The following CCDC68 variants were observed in gnomAD, a reference collection of about 807,000 sequenced individuals.
The protein encoded by CCDC68 is coiled-coil domain containing 68, also known as coiled-coil domain-containing protein 68.
CCDC68 carries 45 observed loss-of-function variants against 47.1 expected under a neutral mutation model. That is an observed-to-expected ratio of 0.96 (90% CI 0.75 to 1.23). The LOEUF is 1.23. CCDC68 is among the 50% of genes most tolerant of loss of function. The pLI is 0.00. For synonymous variants in CCDC68, 131 were observed against 129.5 expected, an observed-to-expected ratio of 1.01 and a Z score of -0.08; for missense variants, 353 against 373.6, an observed-to-expected ratio of 0.94 and a Z score of 0.45.
In CCDC68 at chr18:54,959,414, T is replaced by C. The variant is rs1159573461; in HGVS notation, c.-181A>G. 2 of 152,006 alleles carry C rather than the reference T, an allele frequency of 1.3e-5. No individual in the cohort carries two copies. Among genetic ancestry groups the C allele is most frequent in the African/African-American group, 2.4e-5 (1 of 41,398 alleles). The allele number at this position is 152,006 out of a possible 1,614,324, so 9.4% of individuals were successfully genotyped here. On this transcript the variant is annotated 5_prime_UTR_variant, in exon 1 of 12. Transcript: ENST00000591504. ...ATCGGACCTTGGGGCCAGGGTCGGC[T>C]GCCAGGGCCCTGCGAGTGCAGCCGC...
chr18:54,957,730 T>A (rs926914109), intron 1 of CCDC68, among the ~76,000 whole-genome samples: 1 of 152,024 alleles, frequency 6.6e-6, no homozygotes, highest in Non-Finnish European at 1.5e-5. Flanking sequence ...GTTAGTAAAT[T>A]CATGGTAAAA....
Position 54,934,803 on chromosome 18 carries a change from A to C in CCDC68, c.600+17T>G, listed in dbSNP as rs759196034. On this transcript the variant is annotated intron_variant, in intron 7 of 11. Coordinates refer to ENST00000591504, the MANE Select transcript of CCDC68 (RefSeq NM_025214.3). ...ATGCTGTCAGTAAGAAAATCCTCTA[A>C]TTCTCCAGGGGCGTACCTTTTCCAT... The C allele has an allele frequency of 6.3e-6, 9 of 1,429,808 alleles. No individual in the cohort carries two copies. The highest frequency in any genetic ancestry group is 8.3e-6 in the Non-Finnish European group (9 of 1,087,454). The allele number at this position is 1,429,808 out of a possible 1,614,324, so 88.6% of individuals were successfully genotyped here. A position where few individuals can be genotyped will look rare whatever the true frequency, so the allele number is the denominator to read the frequency against.
intron 5 of CCDC68, 97 bp from the exon 6 acceptor site, chr18:54,937,055 C>G: frequency 8.7e-7 from 1 of 1,149,526 alleles, no homozygotes; most frequent in Non-Finnish European, 1.3e-6. Context: ...AAAGGTATAA[C>G]TATACCATTT....
intron 1 of CCDC68, chr18:54,957,863 G>C (rs2044741345): frequency 6.6e-6 from 1 of 152,108 alleles, no homozygotes. Flanking sequence ...AAAATCTTCA[G>C]TTATTTCCCC....
At chr18:54,921,963 TA>T (rs1435003958) in intron 8 of CCDC68, among the ~76,000 whole-genome samples, 1 of 152,108 alleles carries the variant, frequency 6.6e-6, no homozygotes, top group Non-Finnish European at 1.5e-5. Flanking sequence ...ACCAAGTAAA[TA>T]AACAAGCAGT....
chr18:54,936,715 G>T, intron 6 of CCDC68, 118 bp downstream of exon 6: 1 of 1,268,330 alleles, frequency 7.9e-7, no homozygotes, highest in Non-Finnish European at 1.1e-6. Flanking sequence ...TCTTTCCCAA[G>T]TCTTTTGCCA....
In CCDC68 at chr18:54,940,617, C is replaced by A. The variant is rs561239285; in HGVS notation, c.204+380G>T. Among the ~76,000 whole-genome samples the A allele has an allele frequency of 3.3e-5, 5 of 152,300 alleles. No individual in the cohort carries two copies. The South Asian group carries it at 1.0e-3, about 32-fold the overall frequency. ...AAGGGAGTGCATTCAAACTTATCAA[C>A]TATCTAACAAAGTCTTGACTCAACT... On this transcript the variant is annotated intron_variant, in intron 4 of 11. Transcript: ENST00000591504.
chr18:54,919,673 A>G (rs1375856457), intron 8 of CCDC68, among the ~76,000 whole-genome samples: 1 of 152,222 alleles, frequency 6.6e-6, no homozygotes, highest in African/African-American at 2.4e-5. Context: ...ACGATAAAGC[A>G]CTTATACGCT....
chr18:54,957,892 G>T (rs976903613), intron 1 of CCDC68: 3 of 152,026 alleles, frequency 2.0e-5, no homozygotes, highest in Non-Finnish European at 4.4e-5. Flanking sequence ...ATTATTCCAA[G>T]CAAATAAACA....
intron 1 of CCDC68, chr18:54,958,154 C>G (rs1053760295): frequency 6.6e-6 from 1 of 152,204 alleles, no homozygotes; most frequent in Non-Finnish European, 1.5e-5. Context: ...ATGACGTTGG[C>G]CTGGGTCCCA....
At chr18:54,920,885 A>T (rs2044047441) in intron 8 of CCDC68, among the ~76,000 whole-genome samples, 1 of 152,222 alleles carries the variant, frequency 6.6e-6, no homozygotes, top group Non-Finnish European at 1.5e-5. Flanking sequence ...CCAAAAAGAC[A>T]TGTGTACTCT....
chr18:54,904,271 G>T lies in CCDC68; in HGVS notation c.*87C>A, dbSNP rs1176879379. ...AGTTCCATTTAAATAATGGCATTTT[G>T]CCATTTTAACATGAAACTTGGGCTG... On this transcript the variant is annotated 3_prime_UTR_variant, in exon 12 of 12. Transcript: ENST00000591504. The T allele has an allele frequency of 2.0e-6, 2 of 1,016,596 alleles. No individual in the cohort carries two copies. The highest frequency in any genetic ancestry group is 3.1e-6 in the Non-Finnish European group (2 of 653,980). The allele number at this position is 1,016,596 out of a possible 1,614,324, so 63.0% of individuals were successfully genotyped here. A position where few individuals can be genotyped will look rare whatever the true frequency, so the allele number is the denominator to read the frequency against.
chr18:54,933,319 G>C (rs915525161), intron 7 of CCDC68, among the ~76,000 whole-genome samples: 5 of 152,062 alleles, frequency 3.3e-5, no homozygotes, highest in African/African-American at 1.2e-4. Flanking sequence ...TTGACTTCAT[G>C]ATCTGCCCAC....
Position 54,928,838 on chromosome 18 carries a change from C to G in CCDC68, c.645G>C (p.Lys215Asn). Residue 215 changes from lysine (K) to asparagine (N), a missense_variant, in exon 8 of 12, where the codon AAG (lysine) becomes AAC (asparagine). Physicochemically the swap from Lys to Asn is moderately conservative, Grantham distance 94. Coordinates refer to ENST00000591504, the MANE Select transcript of CCDC68 (RefSeq NM_025214.3). ...LLERKLSLEN[K>N]LLQLKSSATY... ...TAGCACTGGATTTGAGTTGCAGTAG[C>G]TTGTTTTCCAAAGACAGTTTTCTTT... 1 of 1,612,880 alleles carries G rather than the reference C, an allele frequency of 6.2e-7. No individual in the cohort carries two copies. Among genetic ancestry groups the G allele is most frequent in the African/African-American group, 1.3e-5 (1 of 75,040 alleles).
chr18:54,936,536 C>G (rs1423203793), intron 6 of CCDC68, among the ~76,000 whole-genome samples: 1 of 151,958 alleles, frequency 6.6e-6, no homozygotes, highest in Non-Finnish European at 1.5e-5. Context: ...AGTTACCAGC[C>G]CAGCTCCGCA....
At position 54,917,551 on chromosome 18, in the gene CCDC68, A is replaced by C. The variant is rs150494203; in HGVS notation, c.873+362T>G. Among the ~76,000 whole-genome samples the C allele has an allele frequency of 2.6e-5, 4 of 152,310 alleles. No individual in the cohort carries two copies. The East Asian group carries it at 7.7e-4, about 29-fold the overall frequency. Reference sequence around the variant, plus strand: ...CAAAAATGCTAATAATTTAATAACAATACAATCTTTTAAACACTTCATAAT... The same window carrying C: ...CAAAAATGCTAATAATTTAATAACACTACAATCTTTTAAACACTTCATAAT... On this transcript the variant is annotated intron_variant, in intron 10 of 11. Coordinates refer to ENST00000591504, the MANE Select transcript of CCDC68 (RefSeq NM_025214.3).
chr18:54,934,423 T>C (rs1432610633), intron 7 of CCDC68, among the ~76,000 whole-genome samples: 2 of 152,366 alleles, frequency 1.3e-5, no homozygotes, highest in African/African-American at 4.8e-5. Context: ...AAATGGATAC[T>C]GCACTGACTC....
intron 5 of CCDC68, chr18:54,937,248 A>G (rs535787749): frequency 1.0e-5 from 3 of 295,574 alleles, no homozygotes; most frequent in South Asian, 5.9e-5. Context: ...ACATAACTCC[A>G]TGGTGCTCTG....
chr18:54,930,628 TCCC>T (rs2044229779), intron 7 of CCDC68, among the ~76,000 whole-genome samples: 1 of 11,504 alleles, frequency 8.7e-5, no homozygotes, highest in African/African-American at 2.7e-4. Context: ...TCCCTTCCCC[TCCC>T]TCCCTCCCTC....
Sources: allele counts gnomAD v4.1 joint callset (sites outside exome capture counted in the v4.1 genomes callset), GRCh38; gene constraint gnomAD v4.1.1; transcripts MANE v1.5; gene names NCBI Gene and HGNC (gene_info 2026-07-23, HGNC 2026-07-21).